Variants in CBARP observed in about 807,000 individuals in gnomAD.
The protein encoded by CBARP is voltage-dependent calcium channel beta subunit-associated regulatory protein.
Under a neutral mutation model 36.3 loss-of-function variants are expected in CBARP, and 24 were observed. That is an observed-to-expected ratio of 0.66 (90% CI 0.48 to 0.93). CBARP has a LOEUF of 0.93. CBARP is among the 40% of genes least tolerant of loss of function. CBARP has a pLI of 0.00. For synonymous variants in CBARP, 586 were observed against 453.2 expected (o/e 1.29, Z -3.72); for missense variants, 1,146 against 980.4 (o/e 1.17, Z -2.26).
At position 1,235,502 on chromosome 19, in the gene CBARP, T is replaced by G; in HGVS notation, c.309A>C (p.Gln103His). The change falls in exon 4 of 10, where the codon CAA (glutamine) becomes CAC (histidine). Residue 103 changes from glutamine to histidine, a missense_variant and splice_region_variant. Transcript: ENST00000650044. ...TYLDNGTHPAQDPDFRGEDPE... is the reference protein window; with the variant it reads ...TYLDNGTHPAHDPDFRGEDPE... The stretch of plus-strand genomic sequence containing the variant: ...CAGCCAGGCTGGCCAGCACCTCACC[T>G]TGGGCTGGGTGGGTGCCGTTGTCCA... The G allele has an allele frequency of 6.3e-7, 1 of 1,591,334 alleles. No homozygotes were observed.
Position 1,229,406 on chromosome 19 carries a change from G to A in CBARP, c.1891C>T (p.Leu631=). 1 of 1,043,104 alleles carries A rather than the reference G, an allele frequency of 9.6e-7. No homozygotes were observed. The highest frequency in any genetic ancestry group is 1.2e-6 in the Non-Finnish European group (1 of 860,510). The allele number at this position is 1,043,104 out of a possible 1,614,324, so 64.6% of individuals were successfully genotyped here. Residue 631 remains leucine (L), a synonymous_variant, in exon 10 of 10, where the codon CTG becomes TTG. Coordinates refer to ENST00000650044, the MANE Select transcript of CBARP (RefSeq NM_001393918.1). The surrounding 1 kb of genome is among the most constrained non-coding windows in gnomAD (Gnocchi z 5.1). ...GCGGGGTCGTCGCCGGCGCCGCCCA[G>A]GGTGCGACCGTCGGGCGGGCCGTCC... ...SVDGPPDGRT[L]GGAGDDPAIP... is the part of the protein sequence containing the mutation.
At chr19:1,232,560 G>C (rs898663931) in intron 8 of CBARP, among the ~76,000 whole-genome samples, 2 of 152,156 alleles carry the variant, frequency 1.3e-5, no homozygotes, top group Non-Finnish European at 1.5e-5. Context: ...TGCTACAGAT[G>C]GGACACCTCT....
At chr19:1,236,298 G>T (rs1240001111) in intron 1 of CBARP, among the ~76,000 whole-genome samples, 177 bp from the exon 2 acceptor site, 2 of 152,206 alleles carry the variant, frequency 1.3e-5, no homozygotes, top group Admixed American at 6.5e-5. Flanking sequence ...AGCGGGCCCC[G>T]GGGGCTCTCT....
intron 8 of CBARP, among the ~76,000 whole-genome samples, chr19:1,232,514 C>T (rs1348387999): frequency 6.6e-6 from 1 of 152,220 alleles, no homozygotes; most frequent in Non-Finnish European, 1.5e-5. Flanking sequence ...CCTGGCCCTG[C>T]TGAGCTGGCT....
rs772696313 is a variant in CBARP at position 1,231,139 on chromosome 19, G to C, written c.1116C>G (p.Pro372=). ...RAGDAVAFPH[P]RPFLASPPPA... ...GGGGCGGGCTGGCCAGAAAGGGGCG[G>C]GGGTGCGGGAAGGCCACGGCGTCGC... is the stretch of plus-strand genomic sequence containing the variant. Residue 372 remains proline (P), a synonymous_variant, in exon 9 of 10, where the codon CCC becomes CCG. Coordinates refer to ENST00000650044, the MANE Select transcript of CBARP (RefSeq NM_001393918.1). 6.2e-7 allele frequency: 1 copy of C among 1,601,460 alleles called. No homozygotes were observed. The highest frequency in any genetic ancestry group is 1.1e-5 in the South Asian group (1 of 90,542).
chr19:1,230,242 ACTTGGGACTCGGGCGGGC>A (rs2080872263), intron 9 of CBARP, 100 bp from the exon 10 acceptor site: 2 of 993,320 alleles, frequency 2.0e-6, no homozygotes, highest in Admixed American at 1.2e-4. Context: ...CGCGGGTGGG[ACTTGGGACTCGGGCGGGC>A]CTTGGAAGGT....
At chr19:1,233,719 G>A in intron 7 of CBARP, 83 bp from the exon 8 acceptor site, 1 of 1,344,914 alleles carries the variant, frequency 7.4e-7, no homozygotes, top group African/African-American at 1.4e-5. Flanking sequence ...AGGTCTGAGA[G>A]ACAGTCCCAA....
intron 9 of CBARP, 86 bp downstream of exon 9, chr19:1,231,015 A>G (rs1335120080): frequency 4.5e-6 from 7 of 1,547,398 alleles, no homozygotes; most frequent in Non-Finnish European, 3.5e-6. Context: ...GGGCCTGGAG[A>G]GCGCTCCCTG....
At chr19:1,230,325 C>G (rs1044055434) in intron 9 of CBARP, 183 bp from the exon 10 acceptor site, 2 of 986,714 alleles carry the variant, frequency 2.0e-6, no homozygotes, top group African/African-American at 1.7e-5. Flanking sequence ...TGCATTGACC[C>G]TGAGCTGTGG....
chr19:1,229,389 G>T lies in CBARP; in HGVS notation c.1908C>A (p.Asp636Glu), dbSNP rs1440531948. The change falls in exon 10 of 10, where the codon GAC (aspartate) becomes GAA (glutamate). Residue 636 changes from aspartate to glutamate, a missense_variant. By Grantham distance (45) the Asp-to-Glu change is conservative (BLOSUM62 2). Transcript: ENST00000650044. This position sits in a 1 kb window ranked among gnomAD's most constrained non-coding sequence, Gnocchi z 5.1. ...PDGRTLGGAG[D>E]DPAIPVIEEE... ...CCTCGATGACGGGGATGGCGGGGTC[G>T]TCGCCGGCGCCGCCCAGGGTGCGAC... 8.9e-7 allele frequency: 1 copy of T among 1,122,704 alleles called. No homozygotes were observed. The highest frequency in any genetic ancestry group is 1.1e-6 in the Non-Finnish European group (1 of 903,786). 69.5% of individuals were successfully genotyped at this position (1,122,704 alleles called of 1,614,324 possible).
chr19:1,230,052 C>T lies in CBARP; in HGVS notation c.1245G>A (p.Pro415=), dbSNP rs767651456. 12 of 1,212,122 alleles carry T rather than the reference C, an allele frequency of 9.9e-6. No individual in the cohort carries two copies. In the African/African-American group the frequency reaches 1.2e-4, roughly 12 times the overall value. 75.1% of individuals were successfully genotyped at this position (1,212,122 alleles called of 1,614,324 possible). A position where few individuals can be genotyped will look rare whatever the true frequency, so the allele number is the denominator to read the frequency against. ...CCCGCTCGGCGTCCGGCTCCAGTGGCGGCTGCTGCTGCTCAGGCCCCGCGC... is the reference window on the plus strand; with the variant it reads ...CCCGCTCGGCGTCCGGCTCCAGTGGTGGCTGCTGCTGCTCAGGCCCCGCGC... ...AGSAGPEQQQ[P]PLEPDAERDA... is the part of the protein sequence containing the mutation. Residue 415 remains proline, a synonymous_variant, in exon 10 of 10, where the codon CCG becomes CCA. Coordinates refer to ENST00000650044, the MANE Select transcript of CBARP (RefSeq NM_001393918.1).
rs1034084639 is a variant in CBARP at position 1,237,781 on chromosome 19, G to GGGCGGCGGGCT, written c.-58_-48dup. On this transcript the variant is annotated 5_prime_UTR_variant, in exon 1 of 10. Coordinates refer to ENST00000650044, the MANE Select transcript of CBARP (RefSeq NM_001393918.1). ...CTCAGCGCCGGGACGAGCGGCCCAT[G>GGGCGGCGGGCT]GGCGGCGGGCTGGCGGCGGGCGGCT... The GGGCGGCGGGCT allele has an allele frequency of 2.0e-5, 3 of 149,644 alleles. No individual in the cohort carries two copies. Among genetic ancestry groups the GGGCGGCGGGCT allele is most frequent in the African/African-American group, 7.3e-5 (3 of 41,134 alleles). 9.3% of individuals were successfully genotyped at this position (149,644 alleles called of 1,614,324 possible). A position where few individuals can be genotyped will look rare whatever the true frequency, so the allele number is the denominator to read the frequency against.
In CBARP at chr19:1,229,229, G is replaced by C; in HGVS notation, c.2068C>G (p.Pro690Ala). The change falls in exon 10 of 10, where the codon CCC becomes GCC. Residue 690 changes from proline to alanine, a missense_variant. By Grantham distance (27) the Pro-to-Ala change is conservative. Coordinates refer to ENST00000650044, the MANE Select transcript of CBARP (RefSeq NM_001393918.1). This position sits in a 1 kb window ranked among gnomAD's most constrained non-coding sequence, Gnocchi z 5.1. ...GTGGGGGCGGCGGCGACCAACGCGG[G>C]AGTCGCCACGACGGGCTCGGCGAGG... is the stretch of plus-strand genomic sequence containing the variant. ...PRLAEPVVAT[P>A]ALVAAAPTSP... The C allele has an allele frequency of 8.1e-7, 1 of 1,232,360 alleles. No homozygotes were observed. Among genetic ancestry groups the C allele is most frequent in the African/African-American group, 1.6e-5 (1 of 61,270 alleles). 76.3% of individuals were successfully genotyped at this position (1,232,360 alleles called of 1,614,324 possible).
rs937431820 is a variant in CBARP at position 1,235,010 on chromosome 19, T to C, written c.446A>G (p.Lys149Arg). The C allele has an allele frequency of 6.2e-7, 1 of 1,606,692 alleles. No individual in the cohort carries two copies. ...ACGCCGCCCCGCTTACCGGCGACCCTTGTCCTGCGTCTTGCGGCTCTGCTC... is the reference window on the plus strand; with the variant it reads ...ACGCCGCCCCGCTTACCGGCGACCCCTGTCCTGCGTCTTGCGGCTCTGCTC... Reference protein sequence around the residue: ...LFEQSRKTQDKGRRYTLTEGD... With the variant: ...LFEQSRKTQDRGRRYTLTEGD... The change falls in exon 5 of 10, where the codon AAG becomes AGG. Residue 149 changes from lysine to arginine, a missense_variant. Physicochemically the swap from Lys to Arg is conservative, Grantham distance 26. Transcript: ENST00000650044.
At position 1,229,159 on chromosome 19, in the gene CBARP, A is replaced by C. The variant is rs1045503283; in HGVS notation, c.*20T>G. Reference sequence around the variant, plus strand: ...CGGCGCCGGAGAAGCTGCCAGAGAGATGGGCCCAGGACGCGGGACTTAGGC... The same window carrying C: ...CGGCGCCGGAGAAGCTGCCAGAGAGCTGGGCCCAGGACGCGGGACTTAGGC... On this transcript the variant is annotated 3_prime_UTR_variant, in exon 10 of 10. Coordinates refer to ENST00000650044, the MANE Select transcript of CBARP (RefSeq NM_001393918.1). This position sits in a 1 kb window ranked among gnomAD's most constrained non-coding sequence, Gnocchi z 5.1. 5.9e-6 allele frequency: 6 copies of C among 1,018,142 alleles called. No individual in the cohort carries two copies. Among genetic ancestry groups the C allele is most frequent in the African/African-American group, 1.8e-5 (1 of 56,876 alleles). 63.1% of individuals were successfully genotyped at this position (1,018,142 alleles called of 1,614,324 possible). A position where few individuals can be genotyped will look rare whatever the true frequency, so the allele number is the denominator to read the frequency against.
At chr19:1,233,255 A>G (rs2080917336) in intron 8 of CBARP, among the ~76,000 whole-genome samples, 171 bp downstream of exon 8, 1 of 152,136 alleles carries the variant, frequency 6.6e-6, no homozygotes, top group South Asian at 2.1e-4. Context: ...CCTCCCAGCC[A>G]CCTGCAGAAC....
intron 9 of CBARP, chr19:1,230,558 CAGG>C (rs1047486731): frequency 4.6e-6 from 5 of 1,093,144 alleles, no homozygotes; most frequent in East Asian, 1.1e-4. Flanking sequence ...GGATAACCAG[CAGG>C]AGGACAGTGC....
intron 9 of CBARP, 67 bp downstream of exon 9, chr19:1,231,034 A>G (rs1568731101): frequency 1.0e-5 from 16 of 1,546,698 alleles, no homozygotes; most frequent in Non-Finnish European, 1.1e-5. Flanking sequence ...TGGGCCGCCT[A>G]GGGGGGGGCG....
In CBARP at chr19:1,228,584, T is replaced by G. The variant is rs1175315264; in HGVS notation, c.*595A>C. ...GCGGCAGCAGCGGTGGCGGCGCGGT[T>G]ATTGCTCGGAGGCGGCGCGGGCTGC... On this transcript the variant is annotated 3_prime_UTR_variant, in exon 10 of 10. Transcript: ENST00000650044. The G allele has an allele frequency of 6.0e-6, 1 of 165,834 alleles. No individual in the cohort carries two copies. The highest frequency in any genetic ancestry group is 2.4e-5 in the African/African-American group (1 of 40,940). 10.3% of individuals were successfully genotyped at this position (165,834 alleles called of 1,614,324 possible).
Sources: gnomAD v4.1 joint callset for allele counts (sites outside exome capture counted in the v4.1 genomes callset) on GRCh38, gnomAD v4.1.1 for gene constraint, Gnocchi (gnomAD v3.1) non-coding constraint, MANE v1.5 for transcripts, NCBI Gene and HGNC (gene_info 2026-07-23, HGNC 2026-07-21) for gene names.